PDXDC1: variants seen among roughly 807,000 people sequenced by gnomAD.
The protein encoded by PDXDC1 is pyridoxal-dependent decarboxylase domain-containing protein 1.
In PDXDC1, 42 loss-of-function variants were observed where a neutral mutation model predicts 100.1. That is an observed-to-expected ratio of 0.42 (90% CI 0.33 to 0.54). The LOEUF is 0.54. PDXDC1 is among the 20% of genes least tolerant of loss of function. The pLI is 0.10. For missense variants in PDXDC1, 636 were observed against 979.2 expected (o/e 0.65, Z 4.68); for synonymous variants, 260 against 371.7 (o/e 0.70, Z 3.46).
At chr16:14,984,495 A>ATATATATT (rs1555542734) in intron 1 of PDXDC1, among the ~76,000 whole-genome samples, 20 of 73,468 alleles carry the variant, frequency 2.7e-4, no homozygotes, top group East Asian at 2.0e-3. Context: ...ATATATATAT[A>ATATATATT]TTTTTTTTTT....
At position 15,135,989 on chromosome 16, in the gene PDXDC1, A is replaced by C. The variant is rs1168549707; in HGVS notation, c.1400-2890A>C. ...GCACCCCGGCTGGTGGGCCCGAGCC[A>C]GATGCAGTGCTCGGCTGTGGCTGGG... On this transcript the variant is annotated intron_variant, in intron 16 of 16. Transcript: ENST00000535621. 17 of 1,555,474 alleles carry C rather than the reference A, an allele frequency of 1.1e-5. No homozygotes were observed. The African/African-American group carries it at 2.0e-4, about 19-fold the overall frequency.
At chr16:15,085,047 C>T (rs1470102216) in intron 16 of PDXDC1, among the ~76,000 whole-genome samples, 4 of 151,998 alleles carry the variant, frequency 2.6e-5, no homozygotes, top group South Asian at 2.1e-4. Context: ...GCCTGGGCAA[C>T]AGAGCGAGAC....
At chr16:15,070,437 C>G (rs2045175116) in intron 16 of PDXDC1, among the ~76,000 whole-genome samples, 1 of 151,696 alleles carries the variant, frequency 6.6e-6, no homozygotes, top group African/African-American at 2.4e-5. Flanking sequence ...CGTAGGAAGA[C>G]AACCTTCCAA....
At chr16:15,084,733 G>A (rs758915427) in intron 16 of PDXDC1, 2 of 1,566,030 alleles carry the variant, frequency 1.3e-6, no homozygotes, top group East Asian at 2.2e-5. Flanking sequence ...CAGAGTATGA[G>A]CATCAAAACA....
At chr16:15,071,854 T>A (rs1227001648) in intron 16 of PDXDC1, among the ~76,000 whole-genome samples, 1 of 152,142 alleles carries the variant, frequency 6.6e-6, no homozygotes, top group South Asian at 2.1e-4. Context: ...GGAATCCACA[T>A]ATTACAAAAA....
intron 16 of PDXDC1, chr16:15,086,511 T>G: frequency 1.7e-5 from 27 of 1,605,634 alleles, no homozygotes; most frequent in Non-Finnish European, 2.3e-5. Context: ...TAACAGAAAT[T>G]TACAGCTATC....
intron 16 of PDXDC1, chr16:15,125,528 G>A (rs568224312): frequency 2.6e-5 from 40 of 1,563,782 alleles, no homozygotes; most frequent in East Asian, 9.0e-5. Context: ...ACCAGGGCTC[G>A]AGGTTTCTCT....
intron 16 of PDXDC1, among the ~76,000 whole-genome samples, chr16:15,084,131 G>T (rs1283150539): frequency 6.6e-6 from 1 of 152,180 alleles, no homozygotes; most frequent in Admixed American, 6.5e-5. Flanking sequence ...CTCTCCCACA[G>T]AAACATAACA....
At chr16:15,015,982 T>G in intron 8 of PDXDC1, 147 bp from the exon 9 acceptor site, 1 of 1,431,486 alleles carries the variant, frequency 7.0e-7, no homozygotes, top group South Asian at 1.5e-5. Context: ...ACACTGATTT[T>G]AAGTCCTTCC....
intron 16 of PDXDC1, chr16:15,061,599 C>T (rs954105716): frequency 1.5e-5 from 9 of 620,050 alleles, no homozygotes; most frequent in Non-Finnish European, 2.2e-5. Context: ...ATGCTTGATT[C>T]AGTCGAACCT....
At chr16:14,986,787 C>G (rs1367310875) in intron 1 of PDXDC1, among the ~76,000 whole-genome samples, 1 of 152,280 alleles carries the variant, frequency 6.6e-6, no homozygotes, top group Non-Finnish European at 1.5e-5. Context: ...TGCTCTGCTG[C>G]CCAGGCTAGA....
chr16:15,075,203 G>C (rs1174957508), intron 16 of PDXDC1, among the ~76,000 whole-genome samples: 1 of 147,180 alleles, frequency 6.8e-6, no homozygotes, highest in African/African-American at 2.5e-5. Flanking sequence ...AGTGAGCCGA[G>C]TTCGTGTGCT....
rs1450025400 is a variant in PDXDC1, at chr16:14,975,038, A to C, written c.-162A>C. ...CCCGCCCCGCCGCCTCTCAACCATC[A>C]GGTTCGGCAGCCCGCGGCGCCGCCT... On this transcript the variant is annotated 5_prime_UTR_variant, in exon 1 of 23. Transcript: ENST00000396410. 8 of 1,523,090 alleles carry C rather than the reference A, an allele frequency of 5.3e-6. No individual in the cohort carries two copies. Among genetic ancestry groups the C allele is most frequent in the South Asian group, 2.4e-5 (2 of 83,312 alleles). 94.3% of individuals were successfully genotyped at this position (1,523,090 alleles called of 1,614,324 possible). A position where few individuals can be genotyped will look rare whatever the true frequency, so the allele number is the denominator to read the frequency against.
intron 1 of PDXDC1, chr16:14,975,741 T>A: frequency 1.1e-6 from 1 of 949,846 alleles, no homozygotes; most frequent in Non-Finnish European, 1.3e-6. Context: ...ATGCGGAGGT[T>A]CAGTCCCGGG....
chr16:14,992,227 G>T (rs1194713221), intron 1 of PDXDC1, among the ~76,000 whole-genome samples: 1 of 152,406 alleles, frequency 6.6e-6, no homozygotes, highest in East Asian at 1.9e-4. Flanking sequence ...AGGAAAAAAG[G>T]CATCAGTATC....
intron 16 of PDXDC1, among the ~76,000 whole-genome samples, chr16:15,053,932 CAAA>C (rs1567775272): frequency 3.3e-5 from 5 of 149,402 alleles, no homozygotes; most frequent in South Asian, 4.1e-4. Context: ...ACCAACCAAA[CAAA>C]CAAACAAAAA....
intron 1 of PDXDC1, among the ~76,000 whole-genome samples, chr16:14,995,819 G>A (rs56252725): frequency 0.25 from 35,996 of 145,936 alleles, 1,828 homozygotes; most frequent in East Asian, 0.45. Context: ...CAATTTCAGA[G>A]CCTGTTATTG....
intron 16 of PDXDC1, among the ~76,000 whole-genome samples, chr16:15,052,925 G>A (rs907131592): frequency 2.0e-5 from 3 of 152,146 alleles, no homozygotes; most frequent in South Asian, 2.1e-4. Context: ...GATGTTGCAG[G>A]ACTGGTTACC....
chr16:15,148,099 C>T, the PDXDC1 span, among the ~76,000 whole-genome samples: 4 of 151,678 alleles, frequency 2.6e-5, no homozygotes, highest in East Asian at 5.8e-4. Flanking sequence ...GGGAATCCTC[C>T]CCCCTCAGCC....
Sources: gnomAD v4.1 joint callset for allele counts (sites outside exome capture counted in the v4.1 genomes callset) on GRCh38, gnomAD v4.1.1 for gene constraint, MANE v1.5 for transcripts, NCBI Gene and HGNC (gene_info 2026-07-23, HGNC 2026-07-21) for gene names.